The following MYH13 variants were observed in gnomAD, a reference collection of about 807,000 sequenced individuals.
MYH13 encodes myosin-13.
A neutral mutation model predicts 232.1 loss-of-function variants in MYH13; 177 were observed. The observed-to-expected ratio is 0.76, with a 90% confidence interval of 0.67 to 0.86. MYH13 has a LOEUF of 0.86. Ranked by LOEUF, MYH13 falls within the 40% of genes least tolerant of loss-of-function variation. The pLI is 0.00. For missense variants in MYH13, 2,246 were observed against 2,405.9 expected (o/e 0.93, Z 1.39); for synonymous variants, 884 against 923.5 (o/e 0.96, Z 0.78).
intron 16 of MYH13, among the ~76,000 whole-genome samples, chr17:10,342,849 G>A (rs1359869444): frequency 2.0e-5 from 3 of 151,906 alleles, no homozygotes; most frequent in Non-Finnish European, 4.4e-5. Flanking sequence ...CCAGCACTTT[G>A]GGAGGTCGAG....
Position 10,344,086 on chromosome 17 carries a change from C to T in MYH13, c.1608G>A (p.Leu536=). 1 of 1,614,018 alleles carries T rather than the reference C, an allele frequency of 6.2e-7. No individual in the cohort carries two copies. The highest frequency in any genetic ancestry group is 8.5e-7 in the Non-Finnish European group (1 of 1,179,920). ...CCTTGGGGAACATGCACTCCTCTTC[C>T]AGGATGGAGAAGATGCCCATAGGCT... The part of the protein sequence containing the change: ...IEKPMGIFSI[L]EEECMFPKAT... The change falls in exon 16 of 41, where the codon CTG becomes CTA. Residue 536 remains leucine, a synonymous_variant. Transcript: ENST00000252172.
intron 21 of MYH13, among the ~76,000 whole-genome samples, chr17:10,329,177 G>A (rs1029448015): frequency 6.6e-6 from 1 of 152,020 alleles, no homozygotes; most frequent in Non-Finnish European, 1.5e-5. Context: ...GATTCCTGAC[G>A]CATACATGGT....
chr17:10,317,975 C>G (rs553588820), intron 27 of MYH13: 1 of 152,364 alleles, frequency 6.6e-6, no homozygotes, highest in East Asian at 1.9e-4. Context: ...GGCACAGTGG[C>G]TCATGCCTGT....
At chr17:10,371,123 T>C (rs754045809) in intron 2 of MYH13, 86 bp downstream of exon 2, 1 of 152,244 alleles carries the variant, frequency 6.6e-6, no homozygotes, top group Non-Finnish European at 1.5e-5. Flanking sequence ...CGTCTTCTTA[T>C]GAGTGTGGCA....
chr17:10,326,977 A>G (rs8067928), intron 22 of MYH13, among the ~76,000 whole-genome samples: 70,100 of 88,686 alleles, frequency 0.79, 27,670 homozygotes, highest in East Asian at 0.95. Flanking sequence ...CACCATGCCT[A>G]CTAGTTTTTT....
intron 23 of MYH13, among the ~76,000 whole-genome samples, chr17:10,322,984 A>G (rs915818716): frequency 2.0e-5 from 3 of 152,052 alleles, no homozygotes; most frequent in Non-Finnish European, 4.4e-5. Flanking sequence ...GGTATTTAAT[A>G]TTTGGTGTGC....
At chr17:10,327,824 T>C in intron 22 of MYH13, 42 bp downstream of exon 22, 1 of 1,594,442 alleles carries the variant, frequency 6.3e-7, no homozygotes, top group Non-Finnish European at 8.5e-7. Flanking sequence ...TTTTCTGTCC[T>C]CCAGAGTCTG....
At chr17:10,345,842 A>T (rs1408706865) in intron 13 of MYH13, among the ~76,000 whole-genome samples, 1 of 151,802 alleles carries the variant, frequency 6.6e-6, no homozygotes, top group Non-Finnish European at 1.5e-5. Flanking sequence ...AAAATACAAA[A>T]ATTAGCCAGG....
intron 18 of MYH13, among the ~76,000 whole-genome samples, chr17:10,333,588 G>T (rs1485709082): frequency 6.6e-6 from 1 of 152,178 alleles, no homozygotes; most frequent in Non-Finnish European, 1.5e-5. Flanking sequence ...TGCAGGCTGT[G>T]GCTGCAGAAG....
intron 18 of MYH13, among the ~76,000 whole-genome samples, chr17:10,335,693 T>C (rs1480498685): frequency 3.3e-5 from 5 of 151,976 alleles, no homozygotes; most frequent in Admixed American, 3.3e-4. Context: ...AGGCAGAGGT[T>C]GCAGTGAGCT....
chr17:10,362,957 T>C (rs1215851484), intron 3 of MYH13, among the ~76,000 whole-genome samples: 1 of 142,396 alleles, frequency 7.0e-6, no homozygotes, highest in Non-Finnish European at 1.6e-5. Context: ...CCTTCAAAGC[T>C]CAGCTCTAGC....
In MYH13 at chr17:10,343,898, T is replaced by A; in HGVS notation, c.1796A>T (p.Asn599Ile). 6.2e-7 allele frequency: 1 copy of A among 1,614,204 alleles called. No homozygotes were observed. The highest frequency in any genetic ancestry group is 8.5e-7 in the Non-Finnish European group (1 of 1,180,014). Residue 599 changes from asparagine (N) to isoleucine (I), a missense_variant, in exon 16 of 41, where the codon AAC becomes ATC. Transcript: ENST00000252172. ...CACAGTCTCGTTCAGGGGGTCCTTG[T>A]TTTTGTCCAGCCAGCCGGCGATGTT... is the stretch of plus-strand genomic sequence containing the variant. ...DYNIAGWLDK[N>I]KDPLNETVVG... is the part of the protein sequence containing the mutation.
intron 18 of MYH13, among the ~76,000 whole-genome samples, chr17:10,339,253 C>G (rs2071602608): frequency 6.6e-6 from 1 of 152,158 alleles, no homozygotes; most frequent in Non-Finnish European, 1.5e-5. Context: ...CTTTTTGTGA[C>G]AAATGACACT....
Position 10,318,797 on chromosome 17 carries a change from T to G in MYH13, c.3731A>C (p.Lys1244Thr). The G allele has an allele frequency of 6.2e-7, 1 of 1,614,032 alleles. No individual in the cohort carries two copies. The highest frequency in any genetic ancestry group is 8.5e-7 in the Non-Finnish European group (1 of 1,179,942). The change falls in exon 27 of 41, where the codon AAG becomes ACG. Residue 1244 changes from lysine to threonine, a missense_variant. Coordinates refer to ENST00000252172, the MANE Select transcript of MYH13 (RefSeq NM_003802.3). ...DMASNIEALS[K>T]SKSNIERTCR... ...GAAGGGCCAGTCAGGTACCTTTGAC[T>G]TGGAGAGAGCCTCGATGTTGCTGGC...
At chr17:10,347,592 G>C (rs1256710104) in intron 12 of MYH13, among the ~76,000 whole-genome samples, 1 of 151,600 alleles carries the variant, frequency 6.6e-6, no homozygotes, top group Non-Finnish European at 1.5e-5. Flanking sequence ...GTTTCCTACA[G>C]TTCATGGGTT....
chr17:10,304,242 T>G lies in MYH13; in HGVS notation c.5467-744A>C, dbSNP rs1452873095. ...GTAATAAACCTGCACGTTCTGCACA[T>G]GTACCCCAGAACTTAAAGTTAGAAC... On this transcript the variant is annotated intron_variant, in intron 37 of 40. Coordinates refer to ENST00000252172, the MANE Select transcript of MYH13 (RefSeq NM_003802.3). This position sits in a 1 kb window ranked among gnomAD's most constrained non-coding sequence, Gnocchi z 5.3. Among the ~76,000 whole-genome samples the G allele has an allele frequency of 6.6e-6, 1 of 152,224 alleles. No individual in the cohort carries two copies. The highest frequency in any genetic ancestry group is 2.4e-5 in the African/African-American group (1 of 41,460).
rs778048083 is a variant in MYH13 at position 10,320,408 on chromosome 17, T to C, written c.3200A>G (p.Gln1067Arg). 2 of 1,613,260 alleles carry C rather than the reference T, an allele frequency of 1.2e-6. No individual in the cohort carries two copies. The highest frequency in any genetic ancestry group is 2.2e-5 in the East Asian group (1 of 44,880). ...RKLEGDLKMS[Q>R]ESIMDLENDK... Reference sequence around the variant, plus strand: ...ATTTTCTAGATCCATAATGGATTCCTGGGACATTTTCAGATCTCCTTCCAG... The same window carrying C: ...ATTTTCTAGATCCATAATGGATTCCCGGGACATTTTCAGATCTCCTTCCAG... Residue 1067 changes from glutamine (Q) to arginine (R), a missense_variant, in exon 25 of 41, where the codon CAG (glutamine) becomes CGG (arginine). Transcript: ENST00000252172.
In MYH13 at chr17:10,345,241, G is replaced by A. The variant is rs369290557; in HGVS notation, c.1545C>T (p.Phe515=). The change falls in exon 15 of 41, where the codon TTC becomes TTT. Residue 515 remains phenylalanine, a synonymous_variant. Transcript: ENST00000252172. ...CGATGCAGGCAGCCAGGTCCATTCC[G>A]AAGTCAATGAACTCCCACTCGATGC... is the stretch of plus-strand genomic sequence containing the variant. ...KEGIEWEFID[F]GMDLAACIEL... The A allele has an allele frequency of 2.2e-5, 36 of 1,614,130 alleles. No homozygotes were observed. The African/African-American group carries it at 2.3e-4, about 10-fold the overall frequency.
intron 21 of MYH13, among the ~76,000 whole-genome samples, chr17:10,329,892 A>G (rs1907351486): frequency 6.6e-6 from 1 of 151,830 alleles, no homozygotes; most frequent in African/African-American, 2.4e-5. Context: ...CCCAGCTACT[A>G]GGGAGGCTGA....
Sources: allele counts gnomAD v4.1 joint callset (sites outside exome capture counted in the v4.1 genomes callset), GRCh38; gene constraint gnomAD v4.1.1; non-coding constraint Gnocchi (gnomAD v3.1); transcripts MANE v1.5; gene names NCBI Gene and HGNC (gene_info 2026-07-23, HGNC 2026-07-21).